The following SENP5 variants were observed in gnomAD, a reference collection of about 807,000 sequenced individuals.
SENP5 encodes sentrin-specific protease 5.
SENP5 carries 21 observed loss-of-function variants against 74.2 expected under a neutral mutation model. The ratio of observed to expected loss-of-function variants is 0.28; its 90% CI spans 0.20 to 0.41. The LOEUF is 0.41. SENP5 is among the 10% of genes least tolerant of loss of function. The pLI is 1.00. For synonymous variants in SENP5, 311 were observed against 312.7 expected (o/e 0.99, Z 0.06); for missense variants, 717 against 889.1 (o/e 0.81, Z 2.46).
chr3:196,896,519 A>G (rs1053549344), intron 2 of SENP5, among the ~76,000 whole-genome samples: 1 of 152,198 alleles, frequency 6.6e-6, no homozygotes, highest in African/African-American at 2.4e-5. Flanking sequence ...CAGTGGCATA[A>G]TCTCGGCTCA....
Position 196,886,173 on chromosome 3 carries a change from G to C in SENP5, c.992G>C (p.Ser331Thr). 1 of 1,614,232 alleles carries C rather than the reference G, an allele frequency of 6.2e-7. No individual in the cohort carries two copies. The highest frequency in any genetic ancestry group is 8.5e-7 in the Non-Finnish European group (1 of 1,180,042). Residue 331 changes from serine to threonine, a missense_variant, in exon 2 of 10, where the codon AGC becomes ACC. Physicochemically the swap from Ser to Thr is moderately conservative, Grantham distance 58. Transcript: ENST00000323460. ...GTGCCTGATTGCCACACTAAAGGAAGCTCTTTCTTGGGCAAGGAGCTTAGT... is the reference window on the plus strand; with the variant it reads ...GTGCCTGATTGCCACACTAAAGGAACCTCTTTCTTGGGCAAGGAGCTTAGT... ...SHVPDCHTKGSSFLGKELSLD... is the reference protein window; with the variant it reads ...SHVPDCHTKGTSFLGKELSLD...
chr3:196,879,570 A>T (rs1477796554), intron 1 of SENP5, among the ~76,000 whole-genome samples: 1 of 152,140 alleles, frequency 6.6e-6, no homozygotes, highest in Admixed American at 6.6e-5. Context: ...GCACATTGTC[A>T]TTCTGCATCT....
In SENP5 at chr3:196,931,434, T is replaced by C. The variant is rs1177746225; in HGVS notation, c.*511T>C. On this transcript the variant is annotated 3_prime_UTR_variant, in exon 10 of 10. Coordinates refer to ENST00000323460, the MANE Select transcript of SENP5 (RefSeq NM_152699.5). Reference sequence around the variant, plus strand: ...TTTACCAGCGGCAACTTTCACCAACTTCCCTCTCCAAGTGAGTCTTAGAGA... The same window carrying C: ...TTTACCAGCGGCAACTTTCACCAACCTCCCTCTCCAAGTGAGTCTTAGAGA... 4 of 155,738 alleles carry C rather than the reference T, an allele frequency of 2.6e-5. No individual in the cohort carries two copies. Among genetic ancestry groups the C allele is most frequent in the African/African-American group, 1.1e-4 (4 of 37,864 alleles). 9.6% of individuals were successfully genotyped at this position (155,738 alleles called of 1,614,324 possible). A position where few individuals can be genotyped will look rare whatever the true frequency, so the allele number is the denominator to read the frequency against.
chr3:196,925,752 A>G (rs1020619235), intron 7 of SENP5, among the ~76,000 whole-genome samples: 1 of 152,158 alleles, frequency 6.6e-6, no homozygotes, highest in African/African-American at 2.4e-5. Context: ...CAGTAATAAA[A>G]ATTCATCTTC....
chr3:196,879,148 A>T (rs1193719115), intron 1 of SENP5, among the ~76,000 whole-genome samples: 1 of 152,180 alleles, frequency 6.6e-6, no homozygotes, highest in African/African-American at 2.4e-5. Flanking sequence ...CCCAGCGGTA[A>T]ATGTCAATAC....
chr3:196,885,708 G>A lies in SENP5; in HGVS notation c.527G>A (p.Ser176Asn), dbSNP rs548270594. The change falls in exon 2 of 10, where the codon AGT (serine) becomes AAT (asparagine). Residue 176 changes from serine (S) to asparagine (N), a missense_variant. This residue lies in a region of SENP5 where 567 missense variants were observed against 577.4 expected (regional missense o/e 0.98). Coordinates refer to ENST00000323460, the MANE Select transcript of SENP5 (RefSeq NM_152699.5). ...FPMKFNGESQ[S>N]PGESGTIVVT... ...ATGAAGTTCAATGGGGAGAGCCAAA[G>A]TCCAGGTGAGAGTGGCACGATTGTG... 1 of 1,614,218 alleles carries A rather than the reference G, an allele frequency of 6.2e-7. No individual in the cohort carries two copies.
rs139662182 is a variant in SENP5, at chr3:196,900,748, G to C, written c.1806+336G>C. The stretch of plus-strand genomic sequence containing the variant: ...TTATAGGCATGTGCCACCATGCCTG[G>C]CTAATTTTTGTATTTTTAGTAGAGA... On this transcript the variant is annotated intron_variant, in intron 5 of 9. Transcript: ENST00000323460. 6.5e-3 allele frequency among the ~76,000 whole-genome samples: 994 copies of C among 152,058 alleles called. 13 individuals are homozygous for C. The highest frequency in any genetic ancestry group is 0.023 in the African/African-American group (944 of 41,470).
At chr3:196,919,674 T>C (rs1458170027) in intron 6 of SENP5, among the ~76,000 whole-genome samples, 2 of 151,928 alleles carry the variant, frequency 1.3e-5, no homozygotes, top group East Asian at 3.9e-4. Context: ...ATGCCTGCAA[T>C]ACCAGCTACT....
intron 2 of SENP5, among the ~76,000 whole-genome samples, chr3:196,896,777 A>G (rs531595580): frequency 9.9e-5 from 15 of 152,238 alleles, no homozygotes; most frequent in African/African-American, 3.1e-4. Context: ...TAGGGATACT[A>G]TCTTAACACC....
intron 1 of SENP5, among the ~76,000 whole-genome samples, chr3:196,872,306 A>C (rs1291259420): frequency 6.6e-6 from 1 of 152,238 alleles, no homozygotes; most frequent in Non-Finnish European, 1.5e-5. Flanking sequence ...AAGGAAACGC[A>C]TGTGAAGTTT....
chr3:196,910,070 A>G (rs376359979), intron 6 of SENP5, among the ~76,000 whole-genome samples: 13 of 152,256 alleles, frequency 8.5e-5, no homozygotes, highest in South Asian at 2.1e-4. Flanking sequence ...TACAAAATCA[A>G]TGTGCAGAAA....
chr3:196,878,265 G>C (rs1713567312), intron 1 of SENP5, among the ~76,000 whole-genome samples: 1 of 151,992 alleles, frequency 6.6e-6, no homozygotes, highest in Non-Finnish European at 1.5e-5. Flanking sequence ...GAAAATATGA[G>C]GAGTTGTTTG....
intron 1 of SENP5, among the ~76,000 whole-genome samples, chr3:196,882,037 C>T (rs986035003): frequency 1.3e-5 from 2 of 151,508 alleles, no homozygotes; most frequent in African/African-American, 2.4e-5. Context: ...GCTGGGATTA[C>T]AAGCACGTGC....
rs151025709 is a variant in SENP5 at position 196,928,711 on chromosome 3, C to T, written c.2106+832C>T. 4.9e-3 allele frequency among the ~76,000 whole-genome samples: 748 copies of T among 152,144 alleles called. 4 individuals are homozygous for T. Among genetic ancestry groups the T allele is most frequent in the Non-Finnish European group, 6.8e-3 (462 of 67,996 alleles). On this transcript the variant is annotated intron_variant, in intron 8 of 9. Coordinates refer to ENST00000323460, the MANE Select transcript of SENP5 (RefSeq NM_152699.5). ...AAGATTTATTAGTTCACCCTTGAAC[C>T]GAACCAAATGCTAAATTTTAAAATT...
chr3:196,905,479 C>G (rs1269291283), intron 6 of SENP5, among the ~76,000 whole-genome samples: 1 of 152,158 alleles, frequency 6.6e-6, no homozygotes, highest in Non-Finnish European at 1.5e-5. Flanking sequence ...AACTTCTGAC[C>G]AACAGACTTC....
intron 2 of SENP5, among the ~76,000 whole-genome samples, chr3:196,897,897 C>T (rs570639826): frequency 4.1e-4 from 62 of 152,130 alleles, no homozygotes; most frequent in African/African-American, 9.6e-4. Context: ...GGTGGCCAGG[C>T]GCGGTGGCTC....
At chr3:196,880,658 T>TTTTTTTA (rs1713684454) in intron 1 of SENP5, among the ~76,000 whole-genome samples, 1 of 119,070 alleles carries the variant, frequency 8.4e-6, no homozygotes, top group South Asian at 2.4e-4. Flanking sequence ...TTTTTTTTTT[T>TTTTTTTA]GAGACGGAGT....
At position 196,931,882 on chromosome 3, in the gene SENP5, C is replaced by G. The variant is rs1424176995; in HGVS notation, c.*959C>G. ...GTATCTGAAACGTAAACATTCAAAA[C>G]TGAAGGCTGACTGACTTGAGATGTT... On this transcript the variant is annotated 3_prime_UTR_variant, in exon 10 of 10. Coordinates refer to ENST00000323460, the MANE Select transcript of SENP5 (RefSeq NM_152699.5). 4 of 452,290 alleles carry G rather than the reference C, an allele frequency of 8.8e-6. No homozygotes were observed. Among genetic ancestry groups the G allele is most frequent in the African/African-American group, 4.0e-5 (2 of 49,772 alleles). The allele number at this position is 452,290 out of a possible 1,614,324, so 28.0% of individuals were successfully genotyped here.
chr3:196,906,230 A>G (rs188208093), intron 6 of SENP5, among the ~76,000 whole-genome samples: 178 of 152,290 alleles, frequency 1.2e-3, no homozygotes, highest in African/African-American at 4.1e-3. Context: ...AAAAAAGAAA[A>G]AAAGACATCA....
Sources: allele counts gnomAD v4.1 joint callset (sites outside exome capture counted in the v4.1 genomes callset), GRCh38; gene constraint gnomAD v4.1.1; regional missense constraint gnomAD v4.1.1; transcripts MANE v1.5; gene names NCBI Gene and HGNC (gene_info 2026-07-23, HGNC 2026-07-21).